CSF1R: variants seen among roughly 807,000 people sequenced by gnomAD.
The protein encoded by CSF1R is colony stimulating factor 1 receptor.
A neutral mutation model predicts 110.0 loss-of-function variants in CSF1R; 40 were observed. The observed-to-expected ratio is 0.36, with a 90% CI of 0.28 to 0.47. CSF1R has a LOEUF of 0.47. Among genes scored for constraint, CSF1R ranks in the 20% least tolerant of loss-of-function variants. CSF1R has a pLI of 0.99. For missense variants in CSF1R, 1,052 were observed against 1,253.0 expected (o/e 0.84, Z 2.42); for synonymous variants, 523 against 503.4 (o/e 1.04, Z -0.52).
intron 10 of CSF1R, among the ~76,000 whole-genome samples, chr5:150,063,045 G>A (rs901912079): frequency 6.6e-6 from 1 of 151,884 alleles, no homozygotes; most frequent in Non-Finnish European, 1.5e-5. Context: ...TTCCAAGACA[G>A]GATCTCTGTC....
chr5:150,087,353 G>T (rs779305652), upstream of CSF1R, among the ~76,000 whole-genome samples: 2 of 152,190 alleles, frequency 1.3e-5, no homozygotes, highest in Non-Finnish European at 2.9e-5. Context: ...ACATTTACTA[G>T]CCAAACCTTT....
At chr5:150,113,358 CTCTG>C (rs1296009321) in exon 1 of CSF1R, 3 of 153,468 alleles carry the variant, frequency 2.0e-5, no homozygotes, top group African/African-American at 7.2e-5. Context: ...CTTTTGGACA[CTCTG>C]TCTGCCCTTC....
rs550021068 is a variant in CSF1R at position 150,069,844 on chromosome 5, G to T, written c.1510+29C>A. 8.4e-6 allele frequency: 11 copies of T among 1,310,932 alleles called. No homozygotes were observed. In the Admixed American group the frequency reaches 1.1e-4, roughly 13 times the overall value. The allele number at this position is 1,310,932 out of a possible 1,614,324, so 81.2% of individuals were successfully genotyped here. A position where few individuals can be genotyped will look rare whatever the true frequency, so the allele number is the denominator to read the frequency against. On this transcript the variant is annotated intron_variant, in intron 9 of 20. Transcript: ENST00000675795. The stretch of plus-strand genomic sequence containing the variant: ...GCAGGGGCGGGGGGCGGGCGGGGGG[G>T]CGGTGCGGGTGCGAAGGCTCCCTCT...
chr5:150,058,106 A>G (rs908798360), intron 14 of CSF1R: 2 of 411,718 alleles, frequency 4.9e-6, no homozygotes, highest in African/African-American at 2.0e-5. Context: ...AGGTGATCAC[A>G]AAGTACAGCC....
intron 19 of CSF1R, 197 bp from the exon 20 acceptor site, chr5:150,054,627 C>T: frequency 1.9e-6 from 1 of 539,342 alleles, no homozygotes; most frequent in Non-Finnish European, 3.2e-6. Flanking sequence ...GTACTCTCAT[C>T]ACCCTCATTC....
intron 1 of CSF1R, chr5:150,094,244 A>ATCC (rs879086693): frequency 2.1e-5 from 22 of 1,042,908 alleles, no homozygotes; most frequent in South Asian, 1.9e-4. Flanking sequence ...AGACATAACA[A>ATCC]TCCTGGGTGT....
At chr5:150,077,140 G>A in intron 5 of CSF1R, 136 bp downstream of exon 5, 1 of 1,152,806 alleles carries the variant, frequency 8.7e-7, no homozygotes, top group Non-Finnish European at 1.3e-6. Context: ...TCCTTAGCCA[G>A]GCCTTGGATA....
intron 1 of CSF1R, among the ~76,000 whole-genome samples, chr5:150,100,119 A>G (rs1003186226): frequency 2.0e-5 from 3 of 151,974 alleles, no homozygotes; most frequent in Admixed American, 6.6e-5. Context: ...CTGAGGCAGG[A>G]GGATCCCTTG....
At chr5:150,112,108 T>G (rs1452176936) in intron 1 of CSF1R, among the ~76,000 whole-genome samples, 2 of 152,256 alleles carry the variant, frequency 1.3e-5, no homozygotes, top group Admixed American at 1.3e-4. Flanking sequence ...CCCACCCGTT[T>G]CTGGCTATAT....
chr5:150,059,616 A>G (rs2113787027), intron 14 of CSF1R, 84 bp downstream of exon 14: 3 of 1,546,334 alleles, frequency 1.9e-6, no homozygotes, highest in Non-Finnish European at 2.6e-6. Flanking sequence ...TTCATGAGCC[A>G]TCCAACCCTG....
intron 1 of CSF1R, among the ~76,000 whole-genome samples, chr5:150,105,618 G>A (rs1759533562): frequency 6.6e-6 from 1 of 151,896 alleles, no homozygotes; most frequent in African/African-American, 2.4e-5. Flanking sequence ...AAACTCCTGG[G>A]CTCAAGCAAT....
At chr5:150,096,587 A>T (rs1209753258) in intron 1 of CSF1R, among the ~76,000 whole-genome samples, 1 of 152,210 alleles carries the variant, frequency 6.6e-6, no homozygotes, top group African/African-American at 2.4e-5. Flanking sequence ...TTCTGAAGAA[A>T]ATCTTAGCAA....
intron 1 of CSF1R, among the ~76,000 whole-genome samples, chr5:150,100,148 C>A (rs1177540141): frequency 6.6e-6 from 1 of 151,868 alleles, no homozygotes; most frequent in African/African-American, 2.4e-5. Flanking sequence ...AGTTCGAGTC[C>A]AGCCTGGACA....
chr5:150,076,720 C>A (rs1758282302), intron 5 of CSF1R, among the ~76,000 whole-genome samples: 1 of 152,196 alleles, frequency 6.6e-6, no homozygotes, highest in Admixed American at 6.5e-5. Flanking sequence ...TTCAGTGTTC[C>A]AAATGATCTA....
At chr5:150,108,670 T>TA (rs1241189445) in intron 1 of CSF1R, among the ~76,000 whole-genome samples, 2 of 152,206 alleles carry the variant, frequency 1.3e-5, no homozygotes, top group African/African-American at 4.8e-5. Flanking sequence ...GAAACTGTGT[T>TA]ACTTCCCCAT....
intron 14 of CSF1R, among the ~76,000 whole-genome samples, chr5:150,058,499 T>G (rs114421279): frequency 0.03 from 4,556 of 152,318 alleles, 215 homozygotes; most frequent in African/African-American, 0.1. Flanking sequence ...CCTGGAATCC[T>G]TTGACAGAGT....
At chr5:150,082,150 T>C (rs1329005074) in intron 1 of CSF1R, among the ~76,000 whole-genome samples, 1 of 152,234 alleles carries the variant, frequency 6.6e-6, no homozygotes, top group African/African-American at 2.4e-5. Context: ...GAGGCTGGGC[T>C]CTGACGCTGA....
At chr5:150,066,546 G>A (rs1250164003) in intron 10 of CSF1R, among the ~76,000 whole-genome samples, 1 of 152,186 alleles carries the variant, frequency 6.6e-6, no homozygotes, top group Admixed American at 6.5e-5. Context: ...GTCAGCTGAG[G>A]TTACATGGCA....
intron 1 of CSF1R, among the ~76,000 whole-genome samples, chr5:150,104,885 C>CT (rs202086102): frequency 0.029 from 4,213 of 145,932 alleles, 159 homozygotes; most frequent in African/African-American, 0.092. Context: ...TTCATTTGTT[C>CT]TTTTTTTTTT....
Sources: allele counts gnomAD v4.1 joint callset (sites outside exome capture counted in the v4.1 genomes callset), GRCh38; gene constraint gnomAD v4.1.1; transcripts MANE v1.5; gene names NCBI Gene and HGNC (gene_info 2026-07-23, HGNC 2026-07-21).